KCNQ3: variants seen among roughly 807,000 people sequenced by gnomAD.
KCNQ3 encodes the protein potassium voltage-gated channel subfamily KQT member 3.
KCNQ3 carries 30 observed loss-of-function variants against 92.5 expected under a neutral mutation model. That is an observed-to-expected ratio of 0.32 (90% CI 0.24 to 0.44). The LOEUF is 0.44. KCNQ3 is among the 20% of genes least tolerant of loss of function. The probability of loss-of-function intolerance (pLI) is 1.00; values close to 1 mark genes in which losing one functional copy is unlikely to be tolerated. For synonymous variants in KCNQ3, 450 were observed against 468.8 expected, an observed-to-expected ratio of 0.96 and a Z score of 0.52; for missense variants, 913 against 1,140.3, an observed-to-expected ratio of 0.80 and a Z score of 2.87.
intron 1 of KCNQ3, among the ~76,000 whole-genome samples, chr8:132,353,690 T>G (rs926243715): frequency 1.2e-4 from 19 of 152,110 alleles, no homozygotes; most frequent in African/African-American, 4.6e-4. Context: ...GGCGCACGGC[T>G]GTAATCTCAG....
intron 1 of KCNQ3, among the ~76,000 whole-genome samples, chr8:132,296,638 T>C (rs1817035559): frequency 6.7e-6 from 1 of 149,682 alleles, no homozygotes; most frequent in South Asian, 2.2e-4. Context: ...GAATATGCGG[T>C]GTTTGGTTTT....
intron 1 of KCNQ3, among the ~76,000 whole-genome samples, chr8:132,231,026 G>C (rs1345303862): frequency 6.6e-6 from 1 of 152,158 alleles, no homozygotes; most frequent in Admixed American, 6.6e-5. Flanking sequence ...TGGACACAGA[G>C]ACAGACATGC....
chr8:132,242,264 C>T (rs1255754164), intron 1 of KCNQ3, among the ~76,000 whole-genome samples: 3 of 152,090 alleles, frequency 2.0e-5, no homozygotes, highest in African/African-American at 7.2e-5. Flanking sequence ...ACCTACTGTC[C>T]ATAGGACACT....
At chr8:132,454,717 T>C (rs1028264716) in intron 1 of KCNQ3, among the ~76,000 whole-genome samples, 6 of 152,170 alleles carry the variant, frequency 3.9e-5, no homozygotes, top group Admixed American at 6.5e-5. Flanking sequence ...ATTAGATGCA[T>C]TGATATGGTG....
intron 1 of KCNQ3, among the ~76,000 whole-genome samples, chr8:132,325,550 G>T (rs890048914): frequency 6.6e-6 from 1 of 152,150 alleles, no homozygotes; most frequent in Non-Finnish European, 1.5e-5. Context: ...CAATATGACT[G>T]GTGGTCTTAT....
chr8:132,417,537 G>A (rs959905533), intron 1 of KCNQ3, among the ~76,000 whole-genome samples: 5 of 152,190 alleles, frequency 3.3e-5, no homozygotes, highest in African/African-American at 1.2e-4. Flanking sequence ...GACAGCCATG[G>A]GAGACATCTA....
At chr8:132,410,228 G>T (rs1820612777) in intron 1 of KCNQ3, among the ~76,000 whole-genome samples, 1 of 152,188 alleles carries the variant, frequency 6.6e-6, no homozygotes, top group Non-Finnish European at 1.5e-5. Flanking sequence ...CTCAAAAATT[G>T]TTTTTTGATA....
In KCNQ3 at chr8:132,386,042, T is replaced by C. The variant is rs150206222; in HGVS notation, c.386+94105A>G. Among the ~76,000 whole-genome samples, 615 of 152,106 alleles carry C rather than the reference T, an allele frequency of 4.0e-3. 4 individuals carry two copies. The highest frequency in any genetic ancestry group is 0.013 in the African/African-American group (536 of 41,498). On this transcript the variant is annotated intron_variant, in intron 1 of 14. Coordinates refer to ENST00000388996, the MANE Select transcript of KCNQ3 (RefSeq NM_004519.4). ...ATTAAAGGGCCCTGGGATGGGGGGA[T>C]GGTGCAGGGAAAGATCAGACTTTCA...
intron 1 of KCNQ3, among the ~76,000 whole-genome samples, chr8:132,195,435 A>G (rs1827274560): frequency 6.6e-6 from 1 of 152,202 alleles, no homozygotes; most frequent in African/African-American, 2.4e-5. Flanking sequence ...AGATATCCTC[A>G]TGTCCCCTTA....
At chr8:132,378,530 T>C (rs1819668288) in intron 1 of KCNQ3, among the ~76,000 whole-genome samples, 1 of 152,248 alleles carries the variant, frequency 6.6e-6, no homozygotes, top group Non-Finnish European at 1.5e-5. Context: ...TTTCCATACA[T>C]TGCCTTAAAT....
chr8:132,134,244 C>T, intron 13 of KCNQ3, 46 bp downstream of exon 13: 2 of 1,466,822 alleles, frequency 1.4e-6, no homozygotes, highest in Non-Finnish European at 9.6e-7. Flanking sequence ...GGATGCTTTA[C>T]AAACTTTGCA....
At chr8:132,360,624 C>T (rs59292953) in intron 1 of KCNQ3, among the ~76,000 whole-genome samples, 16,551 of 152,238 alleles carry the variant, frequency 0.11, 936 homozygotes, top group South Asian at 0.17. Context: ...CTCAGACTCA[C>T]GACAAGAGCT....
chr8:132,137,040 T>G, intron 12 of KCNQ3, among the ~76,000 whole-genome samples: 1 of 150,998 alleles, frequency 6.6e-6, no homozygotes, highest in East Asian at 2.0e-4. Flanking sequence ...TTTTTTTTTT[T>G]TTGTATTTTT....
intron 1 of KCNQ3, among the ~76,000 whole-genome samples, chr8:132,230,620 A>C (rs1170271409): frequency 6.6e-6 from 1 of 152,200 alleles, no homozygotes; most frequent in African/African-American, 2.4e-5. Flanking sequence ...TGTTATCCCA[A>C]ACCTCAATCA....
In KCNQ3 at chr8:132,282,968, G is replaced by T. The variant is rs147433931; in HGVS notation, c.387-96787C>A. On this transcript the variant is annotated intron_variant, in intron 1 of 14. Transcript: ENST00000388996. ...GTGAAGGAAGGAGCTCAGTGAGGAA[G>T]CAGAGAGAAGCCTGGGCAGAGAAAA... is the stretch of plus-strand genomic sequence containing the variant. Among the ~76,000 whole-genome samples, 594 of 152,296 alleles carry T rather than the reference G, an allele frequency of 3.9e-3. 5 individuals carry two copies. Among genetic ancestry groups the T allele is most frequent in the African/African-American group, 0.013 (551 of 41,562 alleles).
chr8:132,131,172 A>C (rs1824865406), intron 14 of KCNQ3, among the ~76,000 whole-genome samples: 1 of 152,270 alleles, frequency 6.6e-6, no homozygotes, highest in African/African-American at 2.4e-5. Flanking sequence ...ATTAAAATTT[A>C]AAATGAAAAC....
chr8:132,443,137 A>G (rs1362418539), intron 1 of KCNQ3, among the ~76,000 whole-genome samples: 1 of 152,206 alleles, frequency 6.6e-6, no homozygotes, highest in African/African-American at 2.4e-5. Flanking sequence ...TAACCTTTGG[A>G]AATAAAGGTA....
intron 12 of KCNQ3, among the ~76,000 whole-genome samples, chr8:132,135,992 G>A (rs1210319659): frequency 4.0e-5 from 6 of 151,748 alleles, no homozygotes; most frequent in African/African-American, 1.2e-4. Flanking sequence ...GGTGGCACAC[G>A]CCTCTAGTCC....
At position 132,132,225 on chromosome 8, in the gene KCNQ3, G is replaced by T. The variant is rs140045642; in HGVS notation, c.1839C>A (p.Ile613=). The T allele has an allele frequency of 1.2e-6, 2 of 1,613,778 alleles. No homozygotes were observed. The highest frequency in any genetic ancestry group is 1.7e-6 in the Non-Finnish European group (2 of 1,179,654). The change falls in exon 14 of 15, where the codon ATC becomes ATA. Residue 613 remains isoleucine (I), a synonymous_variant. Transcript: ENST00000388996. ...ACTTCCCCATCATGCTTTGGTCTTC[G>T]ATTTCTGATGTGGATGGTCTGGCTA... ...PYVARPSTSE[I]EDQSMMGKFV...
Sources: allele counts gnomAD v4.1 joint callset (sites outside exome capture counted in the v4.1 genomes callset), GRCh38; gene constraint gnomAD v4.1.1; transcripts MANE v1.5; gene names NCBI Gene and HGNC (gene_info 2026-07-23, HGNC 2026-07-21).